The following NXPE2 variants were observed in gnomAD, a reference collection of about 807,000 sequenced individuals.
The protein encoded by NXPE2 is neurexophilin and PC-esterase domain family member 2.
In NXPE2, 34 loss-of-function variants were observed where a neutral mutation model predicts 34.4. That is an observed-to-expected ratio of 0.99 (90% CI 0.75 to 1.31). NXPE2 has a LOEUF of 1.31. Ranked by LOEUF, NXPE2 falls within the 40% of genes most tolerant of loss-of-function variation. The pLI is 0.00. For missense variants in NXPE2, 649 were observed against 672.5 expected (o/e 0.97, Z 0.39); for synonymous variants, 235 against 231.3 (o/e 1.02, Z -0.15).
the NXPE2 span, among the ~76,000 whole-genome samples, chr11:114,555,672 G>A: frequency 3.3e-5 from 5 of 152,128 alleles, no homozygotes; most frequent in South Asian, 2.1e-4. Flanking sequence ...TGCATGCCCC[G>A]CTGCCCATGC....
At chr11:114,801,226 C>T in the NXPE2 span, among the ~76,000 whole-genome samples, 1 of 151,962 alleles carries the variant, frequency 6.6e-6, no homozygotes, top group African/African-American at 2.4e-5. Flanking sequence ...GATACTTAAC[C>T]TAGTATATAG....
At chr11:114,616,536 T>C in the NXPE2 span, among the ~76,000 whole-genome samples, 1 of 151,658 alleles carries the variant, frequency 6.6e-6, no homozygotes, top group African/African-American at 2.4e-5. Context: ...GGGTAACCAT[T>C]GTTACCCAGT....
intron 1 of NXPE2, among the ~76,000 whole-genome samples, chr11:114,679,291 G>C (rs1038175296): frequency 6.0e-5 from 8 of 133,900 alleles, no homozygotes; most frequent in Admixed American, 4.5e-4. Context: ...TTAGAGACCA[G>C]GATTCACTAG....
chr11:114,754,799 A>G, the NXPE2 span, among the ~76,000 whole-genome samples: 9 of 152,194 alleles, frequency 5.9e-5, no homozygotes, highest in Non-Finnish European at 1.2e-4. Context: ...GCCTTCTGCA[A>G]TGCCTGGATT....
chr11:114,634,643 A>C, the NXPE2 span, among the ~76,000 whole-genome samples: 1 of 152,048 alleles, frequency 6.6e-6, no homozygotes. Context: ...TTTTTGTATA[A>C]GGTGTAAGGA....
chr11:114,524,503 C>T, the NXPE2 span, among the ~76,000 whole-genome samples: 2 of 152,012 alleles, frequency 1.3e-5, no homozygotes, highest in African/African-American at 4.8e-5. Context: ...GCTCTTAAGT[C>T]CTGGTGATTT....
the NXPE2 span, among the ~76,000 whole-genome samples, chr11:114,647,704 TA>T: frequency 1.4e-5 from 2 of 144,820 alleles, no homozygotes; most frequent in African/African-American, 5.0e-5. Flanking sequence ...TATTTTATTT[TA>T]TTTTTTTTTT....
At chr11:114,637,313 T>G in the NXPE2 span, among the ~76,000 whole-genome samples, 1 of 151,796 alleles carries the variant, frequency 6.6e-6, no homozygotes, top group Non-Finnish European at 1.5e-5. Context: ...TTCCATTTGC[T>G]TGGTAGATCT....
At chr11:114,790,286 T>C in the NXPE2 span, among the ~76,000 whole-genome samples, 53 of 152,344 alleles carry the variant, frequency 3.5e-4, no homozygotes, top group African/African-American at 1.3e-3. Context: ...CTGGTTAGCA[T>C]AGTTCCTAAA....
At chr11:114,720,895 GCTT>G in the NXPE2 span, among the ~76,000 whole-genome samples, 7 of 152,156 alleles carry the variant, frequency 4.6e-5, no homozygotes, top group South Asian at 2.1e-4. Context: ...CTGATAAAGA[GCTT>G]CTTATTCTCT....
At chr11:114,784,829 A>G in the NXPE2 span, among the ~76,000 whole-genome samples, 59 of 152,286 alleles carry the variant, frequency 3.9e-4, 5 homozygotes, top group East Asian at 0.011. Context: ...AAAAGTTTCC[A>G]AAAGCTTAAG....
At chr11:114,784,053 A>T in the NXPE2 span, among the ~76,000 whole-genome samples, 1 of 152,218 alleles carries the variant, frequency 6.6e-6, no homozygotes, top group African/African-American at 2.4e-5. Flanking sequence ...AACCCTACAA[A>T]GTAGCCTCAA....
At chr11:114,746,514 T>C in the NXPE2 span, among the ~76,000 whole-genome samples, 1 of 152,128 alleles carries the variant, frequency 6.6e-6, no homozygotes, top group Non-Finnish European at 1.5e-5. Context: ...GGAGATCTAC[T>C]TCAGGAGCTA....
chr11:114,777,145 C>A, the NXPE2 span, among the ~76,000 whole-genome samples: 1 of 152,162 alleles, frequency 6.6e-6, no homozygotes, highest in Non-Finnish European at 1.5e-5. Context: ...AGAAAACACA[C>A]CTTCAAAAAG....
the NXPE2 span, among the ~76,000 whole-genome samples, chr11:114,547,358 C>G: frequency 6.6e-6 from 1 of 152,160 alleles, no homozygotes; most frequent in Non-Finnish European, 1.5e-5. Context: ...CATGGAAGGA[C>G]AGTTTACAAA....
chr11:114,802,393 C>T, the NXPE2 span, among the ~76,000 whole-genome samples: 1 of 152,204 alleles, frequency 6.6e-6, no homozygotes, highest in African/African-American at 2.4e-5. Flanking sequence ...AAAAAGTCTT[C>T]CTCCCAACTT....
the NXPE2 span, among the ~76,000 whole-genome samples, chr11:114,533,442 G>A: frequency 6.6e-6 from 1 of 152,174 alleles, no homozygotes; most frequent in Non-Finnish European, 1.5e-5. Context: ...GTGGGTGCAG[G>A]ACAGTGGATG....
At chr11:114,631,906 G>C in the NXPE2 span, among the ~76,000 whole-genome samples, 1 of 151,262 alleles carries the variant, frequency 6.6e-6, no homozygotes, top group African/African-American at 2.4e-5. Context: ...ATTGCCTCGT[G>C]GGTCACTACT....
the NXPE2 span, among the ~76,000 whole-genome samples, chr11:114,610,675 C>T: frequency 6.6e-6 from 1 of 151,922 alleles, no homozygotes; most frequent in Non-Finnish European, 1.5e-5. Context: ...ATACATGTTG[C>T]CTCGTGGTTA....
Sources: gnomAD v4.1 joint callset for allele counts (sites outside exome capture counted in the v4.1 genomes callset) on GRCh38, gnomAD v4.1.1 for gene constraint, MANE v1.5 for transcripts, NCBI Gene and HGNC (gene_info 2026-07-23, HGNC 2026-07-21) for gene names.